Variants in AATK observed in about 807,000 individuals in gnomAD.
The protein encoded by AATK is lemur tail kinase 1, also known as serine/threonine-protein kinase LMTK1.
A neutral mutation model predicts 114.3 loss-of-function variants in AATK; 91 were observed. The ratio of observed to expected loss-of-function variants is 0.80; its 90% CI spans 0.67 to 0.95. The LOEUF (loss-of-function observed/expected upper bound fraction) is 0.95. Among genes scored for constraint, AATK ranks in the 40% least tolerant of loss-of-function variants. The pLI is 0.00. For synonymous variants in AATK, 1,075 were observed against 916.5 expected, an observed-to-expected ratio of 1.17 and a Z score of -3.12; for missense variants, 2,176 against 1,965.2, an observed-to-expected ratio of 1.11 and a Z score of -2.03.
At position 81,119,440 on chromosome 17, in the gene AATK, C is replaced by A; in HGVS notation, c.4024G>T (p.Ala1342Ser). The A allele has an allele frequency of 6.6e-7, 1 of 1,515,880 alleles. No homozygotes were observed. The highest frequency in any genetic ancestry group is 8.8e-7 in the Non-Finnish European group (1 of 1,138,692). 93.9% of individuals were successfully genotyped at this position (1,515,880 alleles called of 1,614,324 possible). ...APFSRFTVSP[A>S]PTSRFSITHV... is the part of the protein sequence containing the mutation. ...GTGATGGAGAAGCGGGACGTGGGCG[C>A]GGGCGACACCGTGAAGCGCGAGAAG... The change falls in exon 13 of 14, where the codon GCG (alanine) becomes TCG (serine). Residue 1342 changes from alanine (A) to serine (S), a missense_variant. By Grantham distance (99) the Ala-to-Ser change is moderately conservative. Transcript: ENST00000326724.
rs761962277 is a variant in AATK at position 81,121,293 on chromosome 17, G to A, written c.2643C>T (p.Ala881=). The A allele has an allele frequency of 2.5e-5, 41 of 1,611,734 alleles. No homozygotes were observed. In the South Asian group the frequency reaches 4.0e-4, roughly 16 times the overall value. The stretch of plus-strand genomic sequence containing the variant: ...AGGCTGGCACCACATCCGGCCTCCT[G>A]GCCTGCAGGCCGTCGCTGGACGTGT... ...FTDTSSDGLQ[A]RRPDVVPAFR... The change falls in exon 11 of 14, where the codon GCC becomes GCT. Residue 881 remains alanine, a synonymous_variant. Coordinates refer to ENST00000326724, the MANE Select transcript of AATK (RefSeq NM_001080395.3).
Position 81,134,311 on chromosome 17 carries a change from C to T in AATK, c.189+57G>A, listed in dbSNP as rs2060978770. The T allele has an allele frequency of 1.6e-5, 25 of 1,593,782 alleles. 1 individual carries two copies. In the South Asian group the frequency reaches 1.9e-4, roughly 12 times the overall value. ...GGAGGGAAGCTCAGGGTCAAGTGGA[C>T]GCTACAGGCCTTGCCTGCGGGATCC... On this transcript the variant is annotated intron_variant, in intron 2 of 13. Coordinates refer to ENST00000326724, the MANE Select transcript of AATK (RefSeq NM_001080395.3).
intron 1 of AATK, among the ~76,000 whole-genome samples, chr17:81,138,548 A>ACG (rs1567817986): frequency 6.8e-6 from 1 of 146,178 alleles, no homozygotes; most frequent in East Asian, 2.1e-4. Flanking sequence ...GTTCGCGTGC[A>ACG]CACACGTGCA....
At chr17:81,119,871 C>G in intron 12 of AATK, 65 bp downstream of exon 12, 1 of 1,400,920 alleles carries the variant, frequency 7.1e-7, no homozygotes, top group Non-Finnish European at 9.2e-7. Context: ...GGCCCCGCCT[C>G]CCACACAGCA....
intron 1 of AATK, among the ~76,000 whole-genome samples, chr17:81,138,782 CCCAT>C (rs2061073585): frequency 3.4e-5 from 4 of 116,446 alleles, no homozygotes; most frequent in Non-Finnish European, 3.7e-5. Flanking sequence ...CACGCACACA[CCCAT>C]GTGCACACAA....
At position 81,126,499 on chromosome 17, in the gene AATK, C is replaced by T. The variant is rs764806494; in HGVS notation, c.683G>A (p.Arg228Gln). 3.4e-5 allele frequency: 53 copies of T among 1,551,738 alleles called. No homozygotes were observed. Among genetic ancestry groups the T allele is most frequent in the East Asian group, 3.2e-4 (13 of 41,010 alleles). The change falls in exon 7 of 14, where the codon CGG becomes CAG. Residue 228 changes from arginine (R) to glutamine (Q), a missense_variant. Coordinates refer to ENST00000326724, the MANE Select transcript of AATK (RefSeq NM_001080395.3). This position sits in a 1 kb window ranked among gnomAD's most constrained non-coding sequence, Gnocchi z 5.1. ...CTCACAGGCCATGCGCTGCAGGGTC[C>T]GGGGGTCGGGAGCCATGGACTCCGC... ...RVAESMAPDP[R>Q]TLQRMACEVA...
chr17:81,158,539 C>T (rs1044304332), intron 1 of AATK, among the ~76,000 whole-genome samples: 4 of 152,228 alleles, frequency 2.6e-5, no homozygotes, highest in African/African-American at 9.6e-5. Context: ...AGCAGCAGGC[C>T]ACCTGCTCAC....
intron 9 of AATK, 123 bp downstream of exon 9, chr17:81,124,604 G>T (rs112396172): frequency 4.7e-6 from 7 of 1,482,588 alleles, no homozygotes; most frequent in Non-Finnish European, 5.4e-6. Context: ...GGCTGCTGGC[G>T]TGTGGCCACT....
At chr17:81,154,161 G>GA (rs886382787) in intron 1 of AATK, among the ~76,000 whole-genome samples, 1 of 152,068 alleles carries the variant, frequency 6.6e-6, no homozygotes, top group African/African-American at 2.4e-5. Context: ...CAGCCTACGA[G>GA]AAAAAAAGCA....
In AATK at chr17:81,166,111, C is replaced by G. The variant is rs2061487926; in HGVS notation, c.-119G>C. The G allele has an allele frequency of 2.1e-6, 1 of 467,326 alleles. No homozygotes were observed. Among genetic ancestry groups the G allele is most frequent in the Non-Finnish European group, 2.8e-6 (1 of 361,248 alleles). 28.9% of individuals were successfully genotyped at this position (467,326 alleles called of 1,614,324 possible). Reference sequence around the variant, plus strand: ...CGCAGGTGCGGAGCGCGCCGGCCCCCGCGCCCCGCGCCCCCCGCCGCAGCC... The same window carrying G: ...CGCAGGTGCGGAGCGCGCCGGCCCCGGCGCCCCGCGCCCCCCGCCGCAGCC... On this transcript the variant is annotated 5_prime_UTR_variant, in exon 1 of 14. Transcript: ENST00000326724.
chr17:81,160,695 CT>C (rs1376886741), intron 1 of AATK, among the ~76,000 whole-genome samples: 4 of 152,238 alleles, frequency 2.6e-5, no homozygotes, highest in Non-Finnish European at 4.4e-5. Flanking sequence ...ACGGCAGGTG[CT>C]TTGCATCAGG....
intron 1 of AATK, among the ~76,000 whole-genome samples, chr17:81,144,324 C>T (rs2061185013): frequency 1.3e-5 from 2 of 152,264 alleles, no homozygotes; most frequent in Non-Finnish European, 2.9e-5. Flanking sequence ...GTCAAGGCCC[C>T]TTGTCCCAGC....
chr17:81,121,798 T>G lies in AATK; in HGVS notation c.2138A>C (p.Gln713Pro), dbSNP rs1447538279. ...CGGCTCGGGGGAGGCCCGTGGGGTC[T>G]GCTTTGGACTGGGGCAGCCCTCAGC... ...GHAEGCPSPK[Q>P]TPRASPEPGY... Residue 713 changes from glutamine to proline, a missense_variant, in exon 11 of 14, where the codon CAG (glutamine) becomes CCG (proline). Transcript: ENST00000326724. The G allele has an allele frequency of 4.5e-6, 7 of 1,572,584 alleles. No individual in the cohort carries two copies. In the South Asian group the frequency reaches 7.9e-5, roughly 18 times the overall value.
At position 81,122,794 on chromosome 17, in the gene AATK, T is replaced by C; in HGVS notation, c.1142A>G (p.Gln381Arg). 6.3e-7 allele frequency: 1 copy of C among 1,581,864 alleles called. No homozygotes were observed. The highest frequency in any genetic ancestry group is 1.8e-5 in the Admixed American group (1 of 55,418). The change falls in exon 11 of 14, where the codon CAG becomes CGG. Residue 381 changes from glutamine (Q) to arginine (R), a missense_variant. Transcript: ENST00000326724. ...WYEVMQFCWL[Q>R]PEQRPTAEEV... Reference sequence around the variant, plus strand: ...CTCGGCTGTGGGCCGCTGCTCGGGCTGCAGCCAGCAGAACTGCATCACCTC... The same window carrying C: ...CTCGGCTGTGGGCCGCTGCTCGGGCCGCAGCCAGCAGAACTGCATCACCTC...
At chr17:81,140,258 C>A (rs1200095370) in intron 1 of AATK, among the ~76,000 whole-genome samples, 2 of 152,204 alleles carry the variant, frequency 1.3e-5, no homozygotes, top group African/African-American at 4.8e-5. Context: ...AGGGCCTTCA[C>A]CCCCACTTGC....
chr17:81,139,798 G>A (rs11650307), intron 1 of AATK, among the ~76,000 whole-genome samples: 23,036 of 152,232 alleles, frequency 0.15, 2,001 homozygotes, highest in South Asian at 0.22. Flanking sequence ...AACTGGGCTG[G>A]AGGGTGCCTA....
intron 6 of AATK, 22 bp downstream of exon 6, chr17:81,127,561 A>G (rs764615693): frequency 2.5e-6 from 4 of 1,578,146 alleles, no homozygotes; most frequent in South Asian, 1.2e-5. Flanking sequence ...AGACCCCAGC[A>G]TCCCCCCGGG....
At chr17:81,141,412 C>T (rs901054380) in intron 1 of AATK, among the ~76,000 whole-genome samples, 1 of 152,198 alleles carries the variant, frequency 6.6e-6, no homozygotes, top group African/African-American at 2.4e-5. Flanking sequence ...GATTGAGCCA[C>T]TGCACTCCAG....
chr17:81,125,430 G>C (rs1477846055), intron 7 of AATK: 1 of 444,476 alleles, frequency 2.2e-6, no homozygotes, highest in East Asian at 5.7e-5. Flanking sequence ...GGCCTGGAGT[G>C]TCCCAGGGGT....
Sources: gnomAD v4.1 joint callset for allele counts (sites outside exome capture counted in the v4.1 genomes callset) on GRCh38, gnomAD v4.1.1 for gene constraint, Gnocchi (gnomAD v3.1) non-coding constraint, MANE v1.5 for transcripts, NCBI Gene and HGNC (gene_info 2026-07-23, HGNC 2026-07-21) for gene names.